The following GCC2 variants were observed in gnomAD, a reference collection of about 807,000 sequenced individuals.
GCC2 encodes the protein GRIP and coiled-coil domain containing 2.
Under a neutral mutation model 210.6 loss-of-function variants are expected in GCC2, and 120 were observed. The observed-to-expected ratio is 0.57, with a 90% CI of 0.49 to 0.66. GCC2 has a LOEUF of 0.66. Ranked by LOEUF, GCC2 falls within the 30% of genes least tolerant of loss-of-function variation. The probability of loss-of-function intolerance (pLI) is 0.00; values close to 1 mark genes in which losing one functional copy is unlikely to be tolerated. For synonymous variants in GCC2, 703 were observed against 652.7 expected (o/e 1.08, Z -1.17); for missense variants, 1,868 against 1,871.9 (o/e 1.00, Z 0.04).
At chr2:108,506,393 T>C (rs1683188094) in intron 22 of GCC2, among the ~76,000 whole-genome samples, 1 of 151,952 alleles carries the variant, frequency 6.6e-6, no homozygotes, top group Non-Finnish European at 1.5e-5. Context: ...TGATTCTACT[T>C]ATATGACACT....
intron 19 of GCC2, among the ~76,000 whole-genome samples, chr2:108,493,035 C>T (rs749053222): frequency 1.5e-4 from 23 of 152,286 alleles, no homozygotes; most frequent in Admixed American, 4.6e-4. Flanking sequence ...ATTCCTTACC[C>T]TCAATGGAAA....
Position 108,471,434 on chromosome 2 carries a change from AAC to A in GCC2, c.2107_2108del (p.Gln703ValfsTer3). 1 of 1,608,752 alleles carries A rather than the reference AAC, an allele frequency of 6.2e-7. No homozygotes were observed. Among genetic ancestry groups the A allele is most frequent in the Non-Finnish European group, 8.5e-7 (1 of 1,178,702 alleles). On this transcript the variant is annotated frameshift_variant, in exon 6 of 23. Transcript: ENST00000309863. LOFTEE classifies it high-confidence loss of function. The stretch of plus-strand genomic sequence containing the variant: ...AACAATAAACTCAGTTCAGAAAAAA[AAC>A]AGTTGAGTAGGGATTTGGAGGTTTT...
chr2:108,482,600 C>T, intron 11 of GCC2, 149 bp downstream of exon 11: 1 of 528,252 alleles, frequency 1.9e-6, no homozygotes, highest in East Asian at 3.1e-5. Flanking sequence ...TTTGAGAATC[C>T]ATGCTGTGAT....
chr2:108,492,045 A>G (rs953408647), intron 18 of GCC2, among the ~76,000 whole-genome samples: 1 of 152,042 alleles, frequency 6.6e-6, no homozygotes, highest in Non-Finnish European at 1.5e-5. Context: ...AAACAGCTAT[A>G]GTAAACCAAG....
rs138472765 is a variant in GCC2 at position 108,471,589 on chromosome 2, T to C, written c.2260T>C (p.Phe754Leu). 2 of 1,612,250 alleles carry C rather than the reference T, an allele frequency of 1.2e-6. No homozygotes were observed. The highest frequency in any genetic ancestry group is 8.5e-7 in the Non-Finnish European group (1 of 1,179,338). The part of the protein sequence containing the change: ...LLENEQVQKL[F>L]VKTQLYGFLK... ...TGAAAATGAGCAAGTTCAGAAGTTATTTGTTAAAACTCAGTTGTATGGTTT... is the reference window on the plus strand; with the variant it reads ...TGAAAATGAGCAAGTTCAGAAGTTACTTGTTAAAACTCAGTTGTATGGTTT... Residue 754 changes from phenylalanine to leucine, a missense_variant, in exon 6 of 23, where the codon TTT (phenylalanine) becomes CTT (leucine). By Grantham distance (22) the Phe-to-Leu change is conservative. Around this residue, in one of 3 missense-constraint regions of GCC2, gnomAD observed 1,847 missense variants for 1,765.2 expected, o/e 1.05. Transcript: ENST00000309863.
rs575869876 is a variant in GCC2, at chr2:108,483,317, G to A, written c.3450+151G>A. 16 of 536,222 alleles carry A rather than the reference G, an allele frequency of 3.0e-5. 1 individual carries two copies. Among genetic ancestry groups the A allele is most frequent in the South Asian group, 2.9e-4 (13 of 45,270 alleles). The allele number at this position is 536,222 out of a possible 1,614,324, so 33.2% of individuals were successfully genotyped here. A position where few individuals can be genotyped will look rare whatever the true frequency, so the allele number is the denominator to read the frequency against. Reference sequence around the variant, plus strand: ...CGGCTCACTGCAACCTCCGCCTCCCGAGTTCAAGCAGTTCTTGTGCCTCAG... The same window carrying A: ...CGGCTCACTGCAACCTCCGCCTCCCAAGTTCAAGCAGTTCTTGTGCCTCAG... On this transcript the variant is annotated intron_variant, in intron 12 of 22. Transcript: ENST00000309863.
rs1343084615 is a variant in GCC2 at position 108,472,626 on chromosome 2, TAAATGCC to T, written c.2788-199_2788-193del. On this transcript the variant is annotated intron_variant, in intron 6 of 22. Coordinates refer to ENST00000309863, the MANE Select transcript of GCC2 (RefSeq NM_181453.4). The stretch of plus-strand genomic sequence containing the variant: ...TTACTACTTTTTTTTTTTTTAATAG[TAAATGCC>T]ATATGCATAGTAAGGTCAGTATTAA... Among the ~76,000 whole-genome samples, 3 of 152,084 alleles carry T rather than the reference TAAATGCC, an allele frequency of 2.0e-5. No homozygotes were observed. The East Asian group carries it at 5.8e-4, about 29-fold the overall frequency.
chr2:108,498,520 C>T (rs2104509808), intron 21 of GCC2, among the ~76,000 whole-genome samples: 1 of 152,176 alleles, frequency 6.6e-6, no homozygotes, highest in East Asian at 1.9e-4. Flanking sequence ...TAAATTTATA[C>T]TCTCTTCATG....
intron 5 of GCC2, 193 bp downstream of exon 5, chr2:108,469,277 T>C: frequency 2.2e-6 from 1 of 447,824 alleles, no homozygotes; most frequent in South Asian, 5.0e-5. Flanking sequence ...ACATTTACTT[T>C]TGTTGCATTA....
rs141805666 is a variant in GCC2 at position 108,471,375 on chromosome 2, A to G, written c.2046A>G (p.Val682=). The change falls in exon 6 of 23, where the codon GTA becomes GTG. Residue 682 remains valine (V), a synonymous_variant. Transcript: ENST00000309863. ...AAGTTCTCTCTGAAGACAAAGAAGT[A>G]TTGTCAGCTGAAGTGAAGTCTCTTT... ...QMKVLSEDKE[V]LSAEVKSLYE... is the part of the protein sequence containing the mutation. The G allele has an allele frequency of 1.9e-6, 3 of 1,609,060 alleles. No homozygotes were observed. In the Admixed American group the frequency reaches 5.1e-5, roughly 27 times the overall value.
intron 4 of GCC2, among the ~76,000 whole-genome samples, chr2:108,452,694 T>C (rs1410277367): frequency 7.9e-5 from 2 of 25,212 alleles, no homozygotes; most frequent in Non-Finnish European, 1.8e-4. Flanking sequence ...TTTCTTTCTT[T>C]TTTTTTTTTT....
At chr2:108,451,841 CT>C (rs367697586) in intron 3 of GCC2, among the ~76,000 whole-genome samples, 43,010 of 124,546 alleles carry the variant, frequency 0.35, 7,776 homozygotes, top group East Asian at 0.85. Flanking sequence ...CTCTCTCTCT[CT>C]TTTTTTTTTT....
At position 108,483,121 on chromosome 2, in the gene GCC2, G is replaced by T; in HGVS notation, c.3405G>T (p.Lys1135Asn). 6.3e-7 allele frequency: 1 copy of T among 1,581,270 alleles called. No homozygotes were observed. The highest frequency in any genetic ancestry group is 8.7e-7 in the Non-Finnish European group (1 of 1,150,536). ...EELQVQLQKQ[K>N]KQLQKTMQEL... ...TTCAGGTACAACTTCAAAAGCAAAA[G>T]AAACAGCTTCAGAAAACCATGCAAG... Residue 1135 changes from lysine (K) to asparagine (N), a missense_variant, in exon 12 of 23, where the codon AAG becomes AAT. Lys to Asn is a moderately conservative substitution (Grantham distance 94, BLOSUM62 0). Coordinates refer to ENST00000309863, the MANE Select transcript of GCC2 (RefSeq NM_181453.4).
intron 17 of GCC2, 42 bp downstream of exon 17, chr2:108,487,862 G>T (rs755484039): frequency 1.0e-5 from 16 of 1,541,322 alleles, no homozygotes; most frequent in Non-Finnish European, 1.4e-5. Context: ...CTCCCACAAT[G>T]CAGGTTCTTC....
chr2:108,463,149 G>A (rs1013211389), intron 4 of GCC2, among the ~76,000 whole-genome samples: 4 of 151,808 alleles, frequency 2.6e-5, no homozygotes, highest in African/African-American at 9.7e-5. Flanking sequence ...GTATCTCACT[G>A]AGCTCCTTTA....
Position 108,496,295 on chromosome 2 carries a change from AT to A in GCC2, c.4643-674del, listed in dbSNP as rs1313236346. The A allele has an allele frequency of 3.9e-5, 6 of 152,826 alleles. No individual in the cohort carries two copies. The East Asian group carries it at 9.7e-4, about 25-fold the overall frequency. 9.5% of individuals were successfully genotyped at this position (152,826 alleles called of 1,614,324 possible). ...TGGTATATTTTATTACCTGTAATTA[AT>A]ATTACTGTTCAAAATTTAGGGGGAA... On this transcript the variant is annotated intron_variant, in intron 20 of 22. Coordinates refer to ENST00000309863, the MANE Select transcript of GCC2 (RefSeq NM_181453.4).
chr2:108,492,137 TG>T (rs199692723), intron 18 of GCC2, among the ~76,000 whole-genome samples: 159 of 150,718 alleles, frequency 1.1e-3, no homozygotes, highest in African/African-American at 3.8e-3. Flanking sequence ...CAGAAGAGTG[TG>T]GGGTTTTTTT....
At position 108,472,853 on chromosome 2, in the gene GCC2, A is replaced by C; in HGVS notation, c.2814A>C (p.Val938=). ...LKDSLAKSPS[V]KNDPLSSVKE... is the part of the protein sequence containing the mutation. ...ATTCCTTAGCAAAATCACCTTCTGT[A>C]AAAAATGATCCTCTGTCTTCAGTAA... Residue 938 remains valine (V), a synonymous_variant, in exon 7 of 23, where the codon GTA becomes GTC. Transcript: ENST00000309863. The C allele has an allele frequency of 2.5e-6, 4 of 1,594,722 alleles. No individual in the cohort carries two copies. The highest frequency in any genetic ancestry group is 3.4e-6 in the Non-Finnish European group (4 of 1,167,686).
rs757110639 is a variant in GCC2 at position 108,492,686 on chromosome 2, G to A, written c.4343G>A (p.Arg1448Gln). The change falls in exon 19 of 23, where the codon CGA becomes CAA. Residue 1448 changes from arginine to glutamine, a missense_variant. Arg to Gln is a conservative substitution (Grantham distance 43). Transcript: ENST00000309863. Reference protein sequence around the residue: ...VLRNSFRDQVRHLQEEHRKTV... With the variant: ...VLRNSFRDQVQHLQEEHRKTV... ...CGAAATAGCTTCCGAGATCAAGTGC[G>A]ACATTTGCAGGAAGAACACAGAAAG... 68 of 1,613,728 alleles carry A rather than the reference G, an allele frequency of 4.2e-5. No homozygotes were observed. Among genetic ancestry groups the A allele is most frequent in the South Asian group, 5.5e-5 (5 of 91,078 alleles).
Sources: gnomAD v4.1 joint callset for allele counts (sites outside exome capture counted in the v4.1 genomes callset) on GRCh38, gnomAD v4.1.1 for gene constraint, gnomAD v4.1.1 regional missense constraint, MANE v1.5 for transcripts, NCBI Gene and HGNC (gene_info 2026-07-23, HGNC 2026-07-21) for gene names.